The following SCYL2 variants were observed in gnomAD, a reference collection of about 807,000 sequenced individuals.
SCYL2 encodes the protein SCY1-like protein 2.
SCYL2 carries 36 observed loss-of-function variants against 100.4 expected under a neutral mutation model. The observed-to-expected ratio is 0.36, with a 90% CI of 0.27 to 0.47. The LOEUF (loss-of-function observed/expected upper bound fraction) is 0.47. SCYL2 is among the 20% of genes least tolerant of loss of function. The pLI is 1.00. For missense variants in SCYL2, 902 were observed against 1,083.9 expected, an observed-to-expected ratio of 0.83 and a Z score of 2.36; for synonymous variants, 330 against 359.2, an observed-to-expected ratio of 0.92 and a Z score of 0.92.
intron 17 of SCYL2, among the ~76,000 whole-genome samples, chr12:100,338,326 C>A (rs1031015798): frequency 6.6e-6 from 1 of 152,034 alleles, no homozygotes; most frequent in South Asian, 2.1e-4. Context: ...ATCATCAAAT[C>A]GATTGCAAAT....
chr12:100,294,942 G>C (rs2096317125), intron 3 of SCYL2, among the ~76,000 whole-genome samples: 1 of 151,434 alleles, frequency 6.6e-6, no homozygotes, highest in Admixed American at 6.6e-5. Context: ...CTTCTCAGAC[G>C]GGGCGGTTGC....
At chr12:100,271,855 G>A (rs767108360) in intron 1 of SCYL2, among the ~76,000 whole-genome samples, 2 of 152,174 alleles carry the variant, frequency 1.3e-5, no homozygotes, top group East Asian at 3.8e-4. Context: ...CATGTTATTT[G>A]AAAATTCAGG....
intron 1 of SCYL2, among the ~76,000 whole-genome samples, chr12:100,271,450 A>G (rs918352786): frequency 3.9e-5 from 6 of 152,204 alleles, no homozygotes; most frequent in African/African-American, 1.2e-4. Context: ...TAGAATTACA[A>G]AAATTCATTG....
chr12:100,281,168 A>G (rs1207045292), intron 1 of SCYL2, among the ~76,000 whole-genome samples: 2 of 151,576 alleles, frequency 1.3e-5, no homozygotes, highest in African/African-American at 2.4e-5. Context: ...AGCTGGGACT[A>G]CAGGCACATG....
intron 1 of SCYL2, among the ~76,000 whole-genome samples, chr12:100,271,092 C>G (rs1395858823): frequency 6.6e-6 from 1 of 151,846 alleles, no homozygotes; most frequent in Non-Finnish European, 1.5e-5. Flanking sequence ...TAAGATTAAA[C>G]ATGATTTCTG....
At chr12:100,304,695 A>G (rs1358006335) in intron 4 of SCYL2, among the ~76,000 whole-genome samples, 5 of 152,210 alleles carry the variant, frequency 3.3e-5, no homozygotes, top group African/African-American at 1.2e-4. Context: ...CAATTAAAAG[A>G]CACAGACTGG....
intron 4 of SCYL2, among the ~76,000 whole-genome samples, chr12:100,300,949 A>G (rs1381476048): frequency 6.6e-6 from 1 of 152,210 alleles, no homozygotes; most frequent in African/African-American, 2.4e-5. Context: ...TAGTGCTGCA[A>G]CAAACATGGG....
intron 1 of SCYL2, among the ~76,000 whole-genome samples, chr12:100,279,383 C>A (rs907059573): frequency 1.3e-5 from 2 of 152,234 alleles, no homozygotes; most frequent in African/African-American, 4.8e-5. Context: ...GCTCTGCAGC[C>A]CGGTTCCTAA....
chr12:100,323,540 AT>A lies in SCYL2; in HGVS notation c.1412del (p.Ile471ThrfsTer9). 6.3e-7 allele frequency: 1 copy of A among 1,585,888 alleles called. No individual in the cohort carries two copies. On this transcript the variant is annotated frameshift_variant, in exon 11 of 18. Coordinates refer to ENST00000360820, the MANE Select transcript of SCYL2 (RefSeq NM_017988.6). LOFTEE classifies it high-confidence loss of function. The stretch of plus-strand genomic sequence containing the variant: ...TTCTTTATAGGAGCTCTGTCTAAAC[AT>A]CATTCCAACCTTTGCAAATCTTATA... ...SIQIQELCLNIIPTFANLIDY... is the reference protein window; with the variant it reads ...SIQIQELCLNXIPTFANLIDY...
intron 16 of SCYL2, 126 bp from the exon 17 acceptor site, chr12:100,337,261 C>G (rs933133101): frequency 8.5e-7 from 1 of 1,183,330 alleles, no homozygotes; most frequent in Non-Finnish European, 1.2e-6. Context: ...GTGACAATCA[C>G]CAAGACAAGA....
At chr12:100,332,697 T>C (rs1170003877) in intron 13 of SCYL2, among the ~76,000 whole-genome samples, 5 of 151,192 alleles carry the variant, frequency 3.3e-5, no homozygotes, top group Non-Finnish European at 7.4e-5. Context: ...ATGATTTTGC[T>C]TTGTTTTTGT....
chr12:100,297,984 A>G (rs1448369388), intron 3 of SCYL2, 47 bp from the exon 4 acceptor site: 5 of 1,382,054 alleles, frequency 3.6e-6, no homozygotes, highest in African/African-American at 1.5e-5. Context: ...TGATTTTGAT[A>G]ATGTGTAATA....
intron 4 of SCYL2, among the ~76,000 whole-genome samples, chr12:100,298,397 G>C (rs1212853186): frequency 6.6e-6 from 1 of 152,054 alleles, no homozygotes; most frequent in African/African-American, 2.4e-5. Context: ...AACCTTTGGG[G>C]GGTCACTTAT....
At chr12:100,289,794 C>A (rs957146359) in intron 2 of SCYL2, among the ~76,000 whole-genome samples, 2 of 152,124 alleles carry the variant, frequency 1.3e-5, no homozygotes, top group African/African-American at 4.8e-5. Flanking sequence ...TCTTATGCTG[C>A]ATGTTTTTTT....
At chr12:100,282,173 C>T (rs769616587) in intron 1 of SCYL2, among the ~76,000 whole-genome samples, 24 of 151,518 alleles carry the variant, frequency 1.6e-4, no homozygotes, top group Non-Finnish European at 2.9e-4. Flanking sequence ...TGTGGGCACG[C>T]GCCACCATGC....
chr12:100,294,478 C>A (rs1314798938), intron 3 of SCYL2, among the ~76,000 whole-genome samples: 8 of 111,904 alleles, frequency 7.1e-5, no homozygotes, highest in African/African-American at 1.5e-4. Context: ...CGCCCCTCAC[C>A]TCCAGGATGG....
intron 2 of SCYL2, 36 bp downstream of exon 2, chr12:100,283,183 C>G: frequency 6.6e-7 from 1 of 1,526,048 alleles, no homozygotes; most frequent in South Asian, 1.3e-5. Flanking sequence ...GGAAAAAACC[C>G]ACATGCTAAG....
At position 100,314,949 on chromosome 12, in the gene SCYL2, C is replaced by T. The variant is rs149508239; in HGVS notation, c.1095+335C>T. ...CTGTTGATGTTAGCCTTTCCAATTC[C>T]TTTACTCCTTTTCTGACTTATTAAA... On this transcript the variant is annotated intron_variant, in intron 8 of 17. Transcript: ENST00000360820. Among the ~76,000 whole-genome samples, 559 of 152,262 alleles carry T rather than the reference C, an allele frequency of 3.7e-3. 5 individuals carry two copies. The highest frequency in any genetic ancestry group is 3.4e-3 in the Non-Finnish European group (231 of 68,028).
chr12:100,322,609 T>C (rs556484486), intron 10 of SCYL2, among the ~76,000 whole-genome samples: 12 of 151,688 alleles, frequency 7.9e-5, no homozygotes, highest in African/African-American at 1.2e-4. Context: ...ATTGAAAAAT[T>C]AGCTGGGCAT....
Sources: gnomAD v4.1 joint callset for allele counts (sites outside exome capture counted in the v4.1 genomes callset) on GRCh38, gnomAD v4.1.1 for gene constraint, MANE v1.5 for transcripts, NCBI Gene and HGNC (gene_info 2026-07-23, HGNC 2026-07-21) for gene names.